The following EPB41L1 variants were observed in gnomAD, a reference collection of about 807,000 sequenced individuals.
The protein encoded by EPB41L1 is erythrocyte membrane protein band 4.1 like 1, also known as band 4.1-like protein 1.
EPB41L1 carries 29 observed loss-of-function variants against 97.8 expected under a neutral mutation model. That is an observed-to-expected ratio of 0.30 (90% CI 0.22 to 0.40). The LOEUF is 0.40. Ranked by LOEUF, EPB41L1 falls within the 10% of genes least tolerant of loss-of-function variation. The pLI, the probability that EPB41L1 is intolerant of heterozygous loss-of-function variation, is 1.00. For missense variants in EPB41L1, 812 were observed against 1,162.3 expected (o/e 0.70, Z 4.38); for synonymous variants, 383 against 459.2 (o/e 0.83, Z 2.12).
chr20:36,105,946 T>A (rs1395099393), intron 1 of EPB41L1, among the ~76,000 whole-genome samples: 1 of 152,108 alleles, frequency 6.6e-6, no homozygotes, highest in Non-Finnish European at 1.5e-5. Context: ...CCTCCCCTCC[T>A]CCCCAGGGGG....
chr20:36,157,016 G>A (rs1481725162), intron 1 of EPB41L1, among the ~76,000 whole-genome samples: 1 of 152,182 alleles, frequency 6.6e-6, no homozygotes, highest in African/African-American at 2.4e-5. Context: ...ACAAGTTCAA[G>A]AGATGAAGAC....
At chr20:36,106,928 G>C (rs768248067) in intron 1 of EPB41L1, among the ~76,000 whole-genome samples, 1 of 152,028 alleles carries the variant, frequency 6.6e-6, no homozygotes, top group Non-Finnish European at 1.5e-5. Flanking sequence ...TCAGCCTCTG[G>C]AATAGTTGGG....
intron 1 of EPB41L1, among the ~76,000 whole-genome samples, chr20:36,157,210 G>A (rs1000530948): frequency 2.6e-5 from 4 of 152,072 alleles, no homozygotes; most frequent in Admixed American, 2.0e-4. Context: ...GAGACAGAGC[G>A]AGACTCCCTC....
At chr20:36,153,019 C>T (rs79575157), upstream of EPB41L1, 965 of 456,744 alleles carry the variant, frequency 2.1e-3, 3 homozygotes, top group Middle Eastern at 0.016. Context: ...CTGCTCTCTG[C>T]TCTTCATCCG....
chr20:36,170,026 A>G (rs2060920014), intron 1 of EPB41L1, among the ~76,000 whole-genome samples: 2 of 152,136 alleles, frequency 1.3e-5, no homozygotes, highest in Admixed American at 1.3e-4. Flanking sequence ...GGGCAGAACC[A>G]TGCCCACGTG....
At chr20:36,128,850 G>C (rs1315063016) in intron 2 of EPB41L1, among the ~76,000 whole-genome samples, 2 of 152,094 alleles carry the variant, frequency 1.3e-5, no homozygotes, top group African/African-American at 2.4e-5. Flanking sequence ...CCTGGCCACT[G>C]TCTGTCACAG....
chr20:36,208,252 G>A, intron 14 of EPB41L1: 1 of 375,058 alleles, frequency 2.7e-6, no homozygotes, highest in Non-Finnish European at 5.4e-6. Flanking sequence ...CAGTCCCAGT[G>A]CCAAGTTTCT....
At chr20:36,107,844 G>T (rs1055197980) in intron 1 of EPB41L1, among the ~76,000 whole-genome samples, 1 of 151,302 alleles carries the variant, frequency 6.6e-6, no homozygotes. Flanking sequence ...AAAAAAAATT[G>T]TAAAGGCAAG....
intron 2 of EPB41L1, among the ~76,000 whole-genome samples, chr20:36,137,229 A>G (rs1182497049): frequency 6.6e-6 from 1 of 150,834 alleles, no homozygotes; most frequent in African/African-American, 2.4e-5. Flanking sequence ...CATATGCACT[A>G]TCACACCTGG....
chr20:36,156,562 C>T (rs1371173320), intron 1 of EPB41L1, among the ~76,000 whole-genome samples: 1 of 152,210 alleles, frequency 6.6e-6, no homozygotes, highest in Non-Finnish European at 1.5e-5. Context: ...GGGGCTCTTG[C>T]AGCTCAGGTG....
At chr20:36,215,932 G>T (rs1300663887) in intron 17 of EPB41L1, among the ~76,000 whole-genome samples, 1 of 152,156 alleles carries the variant, frequency 6.6e-6, no homozygotes, top group Admixed American at 6.5e-5. Flanking sequence ...ATGACCTTGG[G>T]CAAGTCACCC....
At position 36,206,258 on chromosome 20, in the gene EPB41L1, A is replaced by G. The variant is rs761809547; in HGVS notation, c.1669-3230A>G. The G allele has an allele frequency of 6.2e-6, 8 of 1,289,936 alleles. 1 individual carries two copies. In the South Asian group the frequency reaches 9.9e-5, roughly 16 times the overall value. The allele number at this position is 1,289,936 out of a possible 1,614,324, so 79.9% of individuals were successfully genotyped here. A position where few individuals can be genotyped will look rare whatever the true frequency, so the allele number is the denominator to read the frequency against. The stretch of plus-strand genomic sequence containing the variant: ...AGGAACCGCTGCATGTCAGATGGTC[A>G]GCCGGAGGGCCAGACAGAGCTGAGG... On this transcript the variant is annotated intron_variant, in intron 14 of 21. Coordinates refer to ENST00000338074, the MANE Select transcript of EPB41L1 (RefSeq NM_012156.2). The surrounding 1 kb of genome is among the most constrained non-coding windows in gnomAD (Gnocchi z 5.5).
Position 36,173,968 on chromosome 20 carries a change from A to T in EPB41L1, c.177+14A>T. 6.2e-7 allele frequency: 1 copy of T among 1,607,464 alleles called. No homozygotes were observed. The highest frequency in any genetic ancestry group is 8.5e-7 in the Non-Finnish European group (1 of 1,176,996). ...CCTGCTGAACAGGTGTGTGCCCGAGAGCATGGGCGTACCTTTCCTGCCCAG... is the reference window on the plus strand; with the variant it reads ...CCTGCTGAACAGGTGTGTGCCCGAGTGCATGGGCGTACCTTTCCTGCCCAG... On this transcript the variant is annotated intron_variant, in intron 2 of 21. Coordinates refer to ENST00000338074, the MANE Select transcript of EPB41L1 (RefSeq NM_012156.2).
chr20:36,157,692 CT>C (rs1017384198), intron 1 of EPB41L1, among the ~76,000 whole-genome samples: 11 of 152,150 alleles, frequency 7.2e-5, no homozygotes, highest in Non-Finnish European at 1.5e-4. Context: ...TAGATAAGTA[CT>C]GACTAGGAGC....
At position 36,197,945 on chromosome 20, in the gene EPB41L1, A is replaced by T; in HGVS notation, c.1572A>T (p.Lys524Asn). Residue 524 changes from lysine to asparagine, a missense_variant, in exon 14 of 22, where the codon AAA (lysine) becomes AAT (asparagine). Physicochemically the swap from Lys to Asn is moderately conservative, Grantham distance 94. Coordinates refer to ENST00000338074, the MANE Select transcript of EPB41L1 (RefSeq NM_012156.2). Reference sequence around the variant, plus strand: ...GGACCCTGAAGGAGCCCAACAGCAAACTCATCCACCGGGATCGAGACTGGG... The same window carrying T: ...GGACCCTGAAGGAGCCCAACAGCAATCTCATCCACCGGGATCGAGACTGGG... ...LKRTLKEPNS[K>N]LIHRDRDWER... is the part of the protein sequence containing the mutation. 1 of 1,613,766 alleles carries T rather than the reference A, an allele frequency of 6.2e-7. No individual in the cohort carries two copies. Among genetic ancestry groups the T allele is most frequent in the Non-Finnish European group, 8.5e-7 (1 of 1,179,936 alleles).
chr20:36,178,899 A>C (rs557761877), intron 5 of EPB41L1, among the ~76,000 whole-genome samples: 10 of 152,026 alleles, frequency 6.6e-5, no homozygotes, highest in African/African-American at 2.4e-4. Flanking sequence ...CCTACTAAAA[A>C]AAAATACAAA....
chr20:36,222,937 C>T (rs1021432908), intron 21 of EPB41L1, among the ~76,000 whole-genome samples: 4 of 152,214 alleles, frequency 2.6e-5, no homozygotes, highest in African/African-American at 9.7e-5. Context: ...TGCTCTGTCA[C>T]CCAGGCTGGA....
chr20:36,130,580 A>G (rs754578949), intron 2 of EPB41L1, among the ~76,000 whole-genome samples: 17 of 152,150 alleles, frequency 1.1e-4, no homozygotes, highest in Non-Finnish European at 2.5e-4. Flanking sequence ...TGAACATTGC[A>G]TAAAATGTTC....
At chr20:36,211,196 G>C (rs1447391842) in intron 15 of EPB41L1, among the ~76,000 whole-genome samples, 1 of 151,852 alleles carries the variant, frequency 6.6e-6, no homozygotes, top group Non-Finnish European at 1.5e-5. Flanking sequence ...AGACCACCCT[G>C]ACCAACATGG....
Sources: gnomAD v4.1 joint callset for allele counts (sites outside exome capture counted in the v4.1 genomes callset) on GRCh38, gnomAD v4.1.1 for gene constraint, Gnocchi (gnomAD v3.1) non-coding constraint, MANE v1.5 for transcripts, NCBI Gene and HGNC (gene_info 2026-07-23, HGNC 2026-07-21) for gene names.